BMPR1B: variants seen among roughly 807,000 people sequenced by gnomAD.
BMPR1B encodes the protein bone morphogenetic protein receptor type 1B, also known as bone morphogenetic protein receptor type-1B.
A neutral mutation model predicts 59.1 loss-of-function variants in BMPR1B; 12 were observed. The observed-to-expected ratio is 0.20, with a 90% confidence interval of 0.13 to 0.33. The LOEUF is 0.33. Ranked by LOEUF, BMPR1B falls within the 10% of genes least tolerant of loss-of-function variation. The pLI is 1.00. For missense variants in BMPR1B, 550 were observed against 610.9 expected (o/e 0.90, Z 1.05); for synonymous variants, 237 against 207.3 (o/e 1.14, Z -1.23).
chr4:95,058,688 C>G (rs1014316883), intron 3 of BMPR1B, among the ~76,000 whole-genome samples: 3 of 152,160 alleles, frequency 2.0e-5, no homozygotes, highest in Non-Finnish European at 4.4e-5. Flanking sequence ...AATTATCTTT[C>G]TGTTATTACA....
intron 10 of BMPR1B, among the ~76,000 whole-genome samples, chr4:95,136,258 C>T (rs1207458102): frequency 1.3e-5 from 2 of 152,118 alleles, no homozygotes; most frequent in African/African-American, 4.8e-5. Flanking sequence ...AGGGATGAAG[C>T]CCACTTGATC....
At chr4:94,776,097 G>A (rs201676197) in intron 1 of BMPR1B, among the ~76,000 whole-genome samples, 349 of 138,732 alleles carry the variant, frequency 2.5e-3, no homozygotes, top group East Asian at 4.3e-3. Context: ...CTCAAAAAAA[G>A]AAAAAAAAAA....
intron 2 of BMPR1B, among the ~76,000 whole-genome samples, chr4:94,937,870 G>T (rs188666952): frequency 6.6e-6 from 1 of 152,134 alleles, no homozygotes; most frequent in East Asian, 1.9e-4. Context: ...GTGGCACTAT[G>T]GTTTGAGCCA....
intron 1 of BMPR1B, among the ~76,000 whole-genome samples, chr4:94,862,902 G>A (rs888521623): frequency 3.4e-5 from 5 of 145,440 alleles, no homozygotes; most frequent in South Asian, 2.2e-4. Context: ...CCGAGATCGC[G>A]CCTCTGCACT....
chr4:95,090,392 G>A (rs1488269934), intron 3 of BMPR1B, among the ~76,000 whole-genome samples: 1 of 151,754 alleles, frequency 6.6e-6, no homozygotes, highest in African/African-American at 2.4e-5. Context: ...ACCATCTGCT[G>A]TTAGGCAAAG....
chr4:94,803,462 G>A (rs1017923203), intron 1 of BMPR1B, among the ~76,000 whole-genome samples: 3 of 152,038 alleles, frequency 2.0e-5, no homozygotes, highest in Non-Finnish European at 4.4e-5. Flanking sequence ...GAGTAGGGTG[G>A]GACTGTTGAG....
chr4:95,066,726 T>A (rs556189390), intron 3 of BMPR1B, among the ~76,000 whole-genome samples: 2 of 152,140 alleles, frequency 1.3e-5, no homozygotes, highest in African/African-American at 4.8e-5. Flanking sequence ...AAAAGCAAAT[T>A]ATTGGGTCTC....
At chr4:95,086,448 C>A (rs1238013757) in intron 3 of BMPR1B, among the ~76,000 whole-genome samples, 5 of 152,140 alleles carry the variant, frequency 3.3e-5, no homozygotes, top group Admixed American at 1.3e-4. Context: ...TTACTGATAA[C>A]CTAACATTTA....
chr4:94,759,520 C>T (rs1285111660), intron 1 of BMPR1B, among the ~76,000 whole-genome samples: 1 of 152,172 alleles, frequency 6.6e-6, no homozygotes, highest in African/African-American at 2.4e-5. Flanking sequence ...TTTAGGATTC[C>T]AGTGACAACT....
At chr4:95,094,906 T>A (rs2149253279) in intron 3 of BMPR1B, among the ~76,000 whole-genome samples, 1 of 152,082 alleles carries the variant, frequency 6.6e-6, no homozygotes, top group Admixed American at 6.6e-5. Context: ...CAGTTAATAT[T>A]AGAAAATCTG....
At position 94,802,671 on chromosome 4, in the gene BMPR1B, G is replaced by A. The variant is rs535986139; in HGVS notation, c.-183+44603G>A. Among the ~76,000 whole-genome samples the A allele has an allele frequency of 1.5e-3, 226 of 152,216 alleles. 1 individual carries two copies. The highest frequency in any genetic ancestry group is 5.1e-3 in the African/African-American group (211 of 41,530). On this transcript the variant is annotated intron_variant, in intron 1 of 12. Transcript: ENST00000515059. ...TTCATGGGGTCACAAAATTCACTTA[G>A]GTTACAATTTAGATGCACAGAGAAA...
chr4:94,982,059 C>T (rs1350380231), intron 2 of BMPR1B, among the ~76,000 whole-genome samples: 2 of 152,096 alleles, frequency 1.3e-5, no homozygotes, highest in Non-Finnish European at 2.9e-5. Flanking sequence ...TCTTTTCCTC[C>T]TAACAGATTC....
chr4:94,987,565 A>AT, intron 2 of BMPR1B, among the ~76,000 whole-genome samples: 1 of 151,862 alleles, frequency 6.6e-6, no homozygotes, highest in East Asian at 1.9e-4. Flanking sequence ...CCTTCCTGGG[A>AT]TTTTCCCCTT....
chr4:94,917,208 A>G (rs1728517517), intron 2 of BMPR1B, among the ~76,000 whole-genome samples: 1 of 152,156 alleles, frequency 6.6e-6, no homozygotes, highest in South Asian at 2.1e-4. Context: ...TGCTGAGGGG[A>G]AATCTGAGGC....
At chr4:94,981,003 A>ACACGCGCGCGTACGCGCGCG (rs1553923777) in intron 2 of BMPR1B, among the ~76,000 whole-genome samples, 12 of 90,826 alleles carry the variant, frequency 1.3e-4, no homozygotes, top group South Asian at 3.9e-4. Flanking sequence ...ACACACACAC[A>ACACGCGCGCGTACGCGCGCG]CACACACACA....
At chr4:95,018,034 G>T (rs894315646) in intron 3 of BMPR1B, among the ~76,000 whole-genome samples, 1 of 152,080 alleles carries the variant, frequency 6.6e-6, no homozygotes, top group Non-Finnish European at 1.5e-5. Flanking sequence ...GCTGAGAAGC[G>T]ATAATACTAT....
chr4:94,940,566 G>A (rs192419696), intron 2 of BMPR1B, among the ~76,000 whole-genome samples: 185 of 152,276 alleles, frequency 1.2e-3, no homozygotes, highest in African/African-American at 4.2e-3. Context: ...TGTTTACTGA[G>A]TTGTATAATA....
rs1560596723 is a variant in BMPR1B, at chr4:95,015,418, T to C, written c.-18+19284T>C. ...TATTTAACAGAACTTCTTTTTTTGA[T>C]TGTTGTTGCCCCGTCTGGACTGCAG... On this transcript the variant is annotated intron_variant, in intron 3 of 12. Coordinates refer to ENST00000515059, the MANE Select transcript of BMPR1B (RefSeq NM_001203.3). 5.3e-5 allele frequency among the ~76,000 whole-genome samples: 8 copies of C among 152,234 alleles called. No individual in the cohort carries two copies. In the South Asian group the frequency reaches 1.7e-3, roughly 32 times the overall value.
chr4:95,120,751 C>T (rs1013516793), intron 6 of BMPR1B, among the ~76,000 whole-genome samples: 9 of 149,424 alleles, frequency 6.0e-5, no homozygotes, highest in Admixed American at 1.3e-4. Flanking sequence ...CTCTCTCTTT[C>T]TCTCTCTCTC....
Sources: allele counts gnomAD v4.1 joint callset (sites outside exome capture counted in the v4.1 genomes callset), GRCh38; gene constraint gnomAD v4.1.1; transcripts MANE v1.5; gene names NCBI Gene and HGNC (gene_info 2026-07-23, HGNC 2026-07-21).